BIVM: variants seen among roughly 807,000 people sequenced by gnomAD.
BIVM encodes the protein basic, immunoglobulin-like variable motif containing.
Under a neutral mutation model 61.4 loss-of-function variants are expected in BIVM, and 31 were observed. That is an observed-to-expected ratio of 0.51 (90% CI 0.38 to 0.68). The LOEUF is 0.68. Among genes scored for constraint, BIVM ranks in the 30% least tolerant of loss-of-function variants. The probability of loss-of-function intolerance (pLI) is 0.00; values close to 1 mark genes in which losing one functional copy is unlikely to be tolerated. For synonymous variants in BIVM, 189 were observed against 210.7 expected (o/e 0.90, Z 0.89); for missense variants, 526 against 596.0 (o/e 0.88, Z 1.22).
intron 4 of BIVM, 25 bp downstream of exon 4, chr13:102,816,579 T>C (rs1191952602): frequency 6.8e-7 from 1 of 1,480,094 alleles, no homozygotes; most frequent in Non-Finnish European, 8.9e-7. Flanking sequence ...TTTTATTTTT[T>C]TCATTTTTGA....
At chr13:102,831,423 A>G (rs1881060267) in intron 7 of BIVM, 142 bp from the exon 8 acceptor site, 2 of 1,309,054 alleles carry the variant, frequency 1.5e-6, no homozygotes, top group East Asian at 2.3e-5. Flanking sequence ...GTACCTATCA[A>G]TAGCTTCTTG....
At position 102,807,184 on chromosome 13, in the gene BIVM, G is replaced by A. The variant is rs1171201086; in HGVS notation, c.-84G>A. On this transcript the variant is annotated 5_prime_UTR_variant, in exon 3 of 11. Transcript: ENST00000257336. The surrounding 1 kb of genome is among the most constrained non-coding windows in gnomAD (Gnocchi z 4.0). Reference sequence around the variant, plus strand: ...AGCTCTCAAGCTTTTATAGCATGCTGTAAACAATTGTCAAAGTTGTTTATC... The same window carrying A: ...AGCTCTCAAGCTTTTATAGCATGCTATAAACAATTGTCAAAGTTGTTTATC... 1.4e-6 allele frequency: 2 copies of A among 1,410,520 alleles called. No homozygotes were observed. Among genetic ancestry groups the A allele is most frequent in the African/African-American group, 2.9e-5 (2 of 69,702 alleles). The allele number at this position is 1,410,520 out of a possible 1,614,324, so 87.4% of individuals were successfully genotyped here.
chr13:102,830,003 C>T (rs1305521387), intron 7 of BIVM, among the ~76,000 whole-genome samples: 6 of 152,138 alleles, frequency 3.9e-5, no homozygotes, highest in Non-Finnish European at 8.8e-5. Flanking sequence ...AGATCACGGG[C>T]TGTTCCCTGA....
intron 3 of BIVM, among the ~76,000 whole-genome samples, chr13:102,809,015 T>G (rs1237228989): frequency 1.3e-5 from 2 of 152,262 alleles, no homozygotes; most frequent in Admixed American, 1.3e-4. Flanking sequence ...TCTCAATTGT[T>G]TGTTTTCTAT....
At chr13:102,833,503 T>C (rs942574126) in intron 8 of BIVM, among the ~76,000 whole-genome samples, 2 of 151,892 alleles carry the variant, frequency 1.3e-5, no homozygotes, top group East Asian at 1.9e-4. Context: ...AATTTTGAGA[T>C]GGGGTTTCAG....
chr13:102,832,409 G>A (rs1881154455), intron 8 of BIVM, among the ~76,000 whole-genome samples: 1 of 151,948 alleles, frequency 6.6e-6, no homozygotes, highest in African/African-American at 2.4e-5. Context: ...GCTATGTTGT[G>A]CAGGCTGGTC....
At chr13:102,835,104 C>T (rs988482691) in intron 9 of BIVM, among the ~76,000 whole-genome samples, 1 of 152,020 alleles carries the variant, frequency 6.6e-6, no homozygotes, top group East Asian at 1.9e-4. Flanking sequence ...ACCCACCATG[C>T]GCGGTGGCTC....
At chr13:102,817,055 T>C (rs1879915279) in intron 4 of BIVM, among the ~76,000 whole-genome samples, 1 of 152,194 alleles carries the variant, frequency 6.6e-6, no homozygotes, top group African/African-American at 2.4e-5. Flanking sequence ...GGTCTTCACA[T>C]CTGTTTGTTC....
intron 2 of BIVM, among the ~76,000 whole-genome samples, chr13:102,805,803 G>A (rs767907318): frequency 6.6e-6 from 1 of 152,028 alleles, no homozygotes; most frequent in Non-Finnish European, 1.5e-5. Context: ...TAATGTTTTC[G>A]GGGTTCATCC....
At chr13:102,817,205 T>C (rs1310572687) in intron 4 of BIVM, among the ~76,000 whole-genome samples, 1 of 152,214 alleles carries the variant, frequency 6.6e-6, no homozygotes, top group African/African-American at 2.4e-5. Context: ...ATAATAAAGA[T>C]TGACTTATTG....
At chr13:102,839,042 C>T (rs2281885) in intron 10 of BIVM, among the ~76,000 whole-genome samples, 29,234 of 152,040 alleles carry the variant, frequency 0.19, 2,946 homozygotes, top group East Asian at 0.36. Flanking sequence ...TTACTTTCTT[C>T]GTAAGATCAT....
chr13:102,817,918 G>A (rs74962745), intron 4 of BIVM, among the ~76,000 whole-genome samples: 7,512 of 152,150 alleles, frequency 0.049, 594 homozygotes, highest in African/African-American at 0.16. Flanking sequence ...TTTGCTGTAG[G>A]CTGAGAAACA....
intron 8 of BIVM, among the ~76,000 whole-genome samples, 159 bp downstream of exon 8, chr13:102,831,856 C>T (rs1013430548): frequency 1.1e-4 from 16 of 140,464 alleles, no homozygotes; most frequent in Admixed American, 4.5e-4. Flanking sequence ...GGTGAAACCC[C>T]GTCTCTACTA....
intron 3 of BIVM, among the ~76,000 whole-genome samples, chr13:102,809,787 C>CTTTT (rs71292825): frequency 9.4e-5 from 12 of 127,300 alleles, no homozygotes; most frequent in Non-Finnish European, 1.9e-4. Context: ...TCTTTTCTTT[C>CTTTT]TTTTTTTTTT....
In BIVM at chr13:102,834,474, C is replaced by G. The variant is rs368367289; in HGVS notation, c.1043C>G (p.Pro348Arg). ...ATGTATTTTATATTTAGCAGGGGACCTCTCTCACCACAGGAAGTTGAATAT... is the reference window on the plus strand; with the variant it reads ...ATGTATTTTATATTTAGCAGGGGACGTCTCTCACCACAGGAAGTTGAATAT... ...VKANKAFSRG[P>R]LSPQEVEYWI... The change falls in exon 9 of 11, where the codon CCT becomes CGT. Residue 348 changes from proline to arginine, a missense_variant. By Grantham distance (103) the Pro-to-Arg change is moderately radical. Coordinates refer to ENST00000257336, the MANE Select transcript of BIVM (RefSeq NM_017693.4). The G allele has an allele frequency of 4.4e-6, 7 of 1,596,176 alleles. No individual in the cohort carries two copies. In the African/African-American group the frequency reaches 9.5e-5, roughly 22 times the overall value.
intron 3 of BIVM, among the ~76,000 whole-genome samples, chr13:102,815,251 C>A (rs886590186): frequency 6.6e-6 from 1 of 151,964 alleles, no homozygotes; most frequent in Non-Finnish European, 1.5e-5. Flanking sequence ...TCCATGTTTG[C>A]TTACTAGGCA....
Position 102,812,428 on chromosome 13 carries a change from G to T in BIVM, c.479-4000G>T, listed in dbSNP as rs192352444. The stretch of plus-strand genomic sequence containing the variant: ...CTTATTCTGTTTCTTGTGATTTTTT[G>T]TTGTTGTTGTTGTTGGAAACTAGAC... On this transcript the variant is annotated intron_variant, in intron 3 of 10. Transcript: ENST00000257336. Among the ~76,000 whole-genome samples, 410 of 151,888 alleles carry T rather than the reference G, an allele frequency of 2.7e-3. 1 individual carries two copies. The highest frequency in any genetic ancestry group is 9.1e-3 in the African/African-American group (377 of 41,430).
chr13:102,818,665 A>C (rs1370081022), intron 4 of BIVM, among the ~76,000 whole-genome samples: 1 of 152,218 alleles, frequency 6.6e-6, no homozygotes, highest in Non-Finnish European at 1.5e-5. Flanking sequence ...GGAAAACATC[A>C]CCAGGACTAT....
At chr13:102,833,034 A>G (rs1881201602) in intron 8 of BIVM, among the ~76,000 whole-genome samples, 2 of 151,968 alleles carry the variant, frequency 1.3e-5, no homozygotes, top group African/African-American at 2.4e-5. Context: ...TGAGGCAGGC[A>G]GATTGCTTGC....
Sources: gnomAD v4.1 joint callset for allele counts (sites outside exome capture counted in the v4.1 genomes callset) on GRCh38, gnomAD v4.1.1 for gene constraint, Gnocchi (gnomAD v3.1) non-coding constraint, MANE v1.5 for transcripts, NCBI Gene and HGNC (gene_info 2026-07-23, HGNC 2026-07-21) for gene names.